MTMR3: variants seen among roughly 807,000 people sequenced by gnomAD.
MTMR3 encodes the protein phosphatidylinositol-3,5-bisphosphate 3-phosphatase MTMR3.
Under a neutral mutation model 132.4 loss-of-function variants are expected in MTMR3, and 32 were observed. The observed-to-expected ratio is 0.24, with a 90% CI of 0.18 to 0.32. The LOEUF (loss-of-function observed/expected upper bound fraction) is 0.32. Among genes scored for constraint, MTMR3 ranks in the 10% least tolerant of loss-of-function variants. The pLI is 1.00. For missense variants in MTMR3, 1,216 were observed against 1,489.6 expected, an observed-to-expected ratio of 0.82 and a Z score of 3.02; for synonymous variants, 556 against 550.3, an observed-to-expected ratio of 1.01 and a Z score of -0.14.
intron 1 of MTMR3, among the ~76,000 whole-genome samples, chr22:29,900,441 G>A (rs2064982948): frequency 6.6e-6 from 1 of 152,118 alleles, no homozygotes; most frequent in Non-Finnish European, 1.5e-5. Flanking sequence ...ATTGAATTTA[G>A]GCCACTTACC....
chr22:29,923,857 C>T (rs909552100), intron 1 of MTMR3, among the ~76,000 whole-genome samples: 8 of 152,036 alleles, frequency 5.3e-5, no homozygotes, highest in African/African-American at 1.7e-4. Flanking sequence ...TTCAAGGGGC[C>T]AAAAAGCCCA....
intron 1 of MTMR3, among the ~76,000 whole-genome samples, chr22:29,886,763 T>C (rs1321402255): frequency 2.0e-5 from 3 of 152,252 alleles, no homozygotes; most frequent in East Asian, 3.8e-4. Flanking sequence ...GCAAGTGTTA[T>C]GTAGAAAGAA....
chr22:29,883,426 T>TCGGCCC (rs2064593075), intron 1 of MTMR3, 67 bp downstream of exon 1: 1 of 154,136 alleles, frequency 6.5e-6, no homozygotes, highest in African/African-American at 2.4e-5. Flanking sequence ...GGGGCCGGCC[T>TCGGCCC]CGGCCCCGGC....
intron 2 of MTMR3, among the ~76,000 whole-genome samples, chr22:29,970,036 A>G (rs754392064): frequency 4.9e-4 from 75 of 152,322 alleles, no homozygotes; most frequent in Non-Finnish European, 9.0e-4. Flanking sequence ...TTGGTTTTGC[A>G]TGAGACTGTT....
Position 29,916,452 on chromosome 22 carries a change from AT to A in MTMR3, c.-138+33095del, listed in dbSNP as rs1362133950. On this transcript the variant is annotated intron_variant, in intron 1 of 19. Transcript: ENST00000401950. The stretch of plus-strand genomic sequence containing the variant: ...CTGATTGGGTTTCCACCCTCCCTAG[AT>A]TCTCAGTTTCTCCCTTTCTGGCTGG... Among the ~76,000 whole-genome samples the A allele has an allele frequency of 3.3e-5, 5 of 152,174 alleles. No individual in the cohort carries two copies. The East Asian group carries it at 9.6e-4, about 29-fold the overall frequency.
At chr22:29,993,441 C>T (rs1342829085) in intron 7 of MTMR3, 1 of 152,046 alleles carries the variant, frequency 6.6e-6, no homozygotes, top group Non-Finnish European at 1.5e-5. Context: ...TTAGTTTCTA[C>T]CATCTCCTAG....
chr22:29,986,708 G>A (rs2066865345), intron 5 of MTMR3: 1 of 533,504 alleles, frequency 1.9e-6, no homozygotes, highest in South Asian at 8.2e-5. Context: ...TTGTTGCCCA[G>A]GCTGGTGTGC....
At chr22:30,016,497 G>A in intron 14 of MTMR3, 31 bp from the exon 15 acceptor site, 1 of 1,608,350 alleles carries the variant, frequency 6.2e-7, no homozygotes, top group South Asian at 1.1e-5. Context: ...ATGCCTGATT[G>A]CTTAATTTGT....
In MTMR3 at chr22:30,020,125, C is replaced by T. The variant is rs755755510; in HGVS notation, c.2466C>T (p.Thr822=). Residue 822 remains threonine, a synonymous_variant, in exon 17 of 20, where the codon ACC becomes ACT. Transcript: ENST00000401950. ...IPVDAKVGYG[T]SQSCSLLPSQ... ...TAGATGCAAAAGTTGGCTATGGTACCTCACAGTCATGTTCTCTGCTACCTT... is the reference window on the plus strand; with the variant it reads ...TAGATGCAAAAGTTGGCTATGGTACTTCACAGTCATGTTCTCTGCTACCTT... 10 of 1,614,208 alleles carry T rather than the reference C, an allele frequency of 6.2e-6. No homozygotes were observed. The highest frequency in any genetic ancestry group is 4.5e-5 in the East Asian group (2 of 44,874).
intron 1 of MTMR3, among the ~76,000 whole-genome samples, chr22:29,892,230 A>G (rs2064814422): frequency 2.0e-5 from 3 of 152,204 alleles, no homozygotes; most frequent in South Asian, 2.1e-4. Flanking sequence ...CATCAGTTCA[A>G]TACTTTTTGC....
intron 5 of MTMR3, 180 bp from the exon 6 acceptor site, chr22:29,988,300 G>T (rs944343321): frequency 4.4e-5 from 18 of 405,502 alleles, no homozygotes; most frequent in Non-Finnish European, 6.7e-5. Context: ...TAGAGATAAA[G>T]GGAAGTCCTA....
chr22:29,963,757 C>T (rs762244852), intron 2 of MTMR3, among the ~76,000 whole-genome samples: 10 of 151,678 alleles, frequency 6.6e-5, no homozygotes, highest in Non-Finnish European at 1.3e-4. Flanking sequence ...ATTCATCCAT[C>T]TGTTGATGGA....
chr22:29,950,606 C>A (rs924853679), intron 1 of MTMR3, among the ~76,000 whole-genome samples: 2 of 152,154 alleles, frequency 1.3e-5, no homozygotes, highest in African/African-American at 4.8e-5. Flanking sequence ...GCGTGATCTG[C>A]CCATCTCAGC....
At chr22:30,022,579 G>C (rs753359342) in intron 18 of MTMR3, 30 bp from the exon 19 acceptor site, 2 of 1,599,386 alleles carry the variant, frequency 1.3e-6, no homozygotes, top group South Asian at 1.1e-5. Context: ...CCCATCTCCT[G>C]TCAGTAACCT....
intron 2 of MTMR3, among the ~76,000 whole-genome samples, chr22:29,957,883 T>C (rs2066231142): frequency 6.6e-6 from 1 of 152,166 alleles, no homozygotes; most frequent in Admixed American, 6.5e-5. Flanking sequence ...ATGACTTTCA[T>C]TATAGTGTAT....
At chr22:29,980,604 A>G (rs2066721788) in intron 5 of MTMR3, 2 of 152,228 alleles carry the variant, frequency 1.3e-5, no homozygotes. Context: ...CAGTGTTTGA[A>G]TTGCTGGAAT....
intron 7 of MTMR3, chr22:29,993,885 G>A (rs1237181429): frequency 2.0e-5 from 3 of 152,590 alleles, no homozygotes; most frequent in African/African-American, 7.2e-5. Context: ...GTGATGCAAG[G>A]GCATGTGAGG....
intron 1 of MTMR3, among the ~76,000 whole-genome samples, chr22:29,936,988 T>C (rs2065762078): frequency 6.6e-6 from 1 of 152,184 alleles, no homozygotes; most frequent in South Asian, 2.1e-4. Context: ...GTTTTAGATA[T>C]AAAGGCTTAT....
chr22:29,934,341 G>C (rs1311850532), intron 1 of MTMR3, among the ~76,000 whole-genome samples: 1 of 152,132 alleles, frequency 6.6e-6, no homozygotes, highest in Non-Finnish European at 1.5e-5. Flanking sequence ...GCGGTAGAGA[G>C]AGACTCTGTC....
Sources: allele counts gnomAD v4.1 joint callset (sites outside exome capture counted in the v4.1 genomes callset), GRCh38; gene constraint gnomAD v4.1.1; transcripts MANE v1.5; gene names NCBI Gene and HGNC (gene_info 2026-07-23, HGNC 2026-07-21).